SERGEF: variants seen among roughly 807,000 people sequenced by gnomAD.
SERGEF encodes the protein secretion regulating guanine nucleotide exchange factor.
Under a neutral mutation model 50.0 loss-of-function variants are expected in SERGEF, and 51 were observed. The observed-to-expected ratio is 1.02, with a 90% CI of 0.81 to 1.29. The LOEUF (loss-of-function observed/expected upper bound fraction) is 1.29. Among genes scored for constraint, SERGEF ranks in the 50% most tolerant of loss-of-function variants. The pLI is 0.00. For missense variants in SERGEF, 521 were observed against 557.0 expected, an observed-to-expected ratio of 0.94 and a Z score of 0.65; for synonymous variants, 205 against 212.4, an observed-to-expected ratio of 0.97 and a Z score of 0.30.
chr11:17,926,456 C>G (rs1269559829), intron 9 of SERGEF, among the ~76,000 whole-genome samples: 1 of 152,194 alleles, frequency 6.6e-6, no homozygotes, highest in African/African-American at 2.4e-5. Context: ...ATCAGAGTGC[C>G]TGGCTCCACG....
intron 9 of SERGEF, among the ~76,000 whole-genome samples, chr11:17,887,840 C>G (rs958886697): frequency 8.5e-5 from 13 of 152,218 alleles, no homozygotes; most frequent in Non-Finnish European, 1.8e-4. Context: ...GAATACTTTA[C>G]AGCAGGGGTC....
At chr11:17,956,985 C>T (rs1169615480) in intron 9 of SERGEF, among the ~76,000 whole-genome samples, 5 of 152,206 alleles carry the variant, frequency 3.3e-5, no homozygotes, top group Non-Finnish European at 5.9e-5. Flanking sequence ...GCCTAGCAGG[C>T]CAGACCTGGA....
intron 10 of SERGEF, among the ~76,000 whole-genome samples, chr11:17,836,688 G>A (rs1279478303): frequency 6.6e-6 from 1 of 152,130 alleles, no homozygotes; most frequent in Non-Finnish European, 1.5e-5. Context: ...AGGATTCTGG[G>A]CCTTTTCAAG....
chr11:17,869,038 C>T (rs1851084808), intron 10 of SERGEF, among the ~76,000 whole-genome samples: 2 of 152,154 alleles, frequency 1.3e-5, no homozygotes, highest in South Asian at 4.1e-4. Flanking sequence ...ATCAGCCTGC[C>T]TTGACTTCCC....
chr11:17,902,722 A>G (rs931020175), intron 9 of SERGEF, among the ~76,000 whole-genome samples: 5 of 152,220 alleles, frequency 3.3e-5, no homozygotes, highest in Admixed American at 2.0e-4. Flanking sequence ...TTCAGAGACA[A>G]ACAAACAAAA....
chr11:17,788,085 T>C lies in SERGEF; in HGVS notation c.1377A>G (p.Ter459TrpextTer1), dbSNP rs1344436829. The change falls in exon 11 of 11, where the codon TGA becomes TGG. Residue 459 changes from the stop codon to tryptophan (W), a stop_lost. Transcript: ENST00000265965. ...QSDWSRNGGL* is the reference protein window; with the variant it reads ...QSDWSRNGGLW ...AAGCCACTTTATTAAAGATTCTCTA[T>C]CACAGTCCCCCATTTCTGGACCAGT... The C allele has an allele frequency of 6.6e-7, 1 of 1,516,622 alleles. No individual in the cohort carries two copies. The highest frequency in any genetic ancestry group is 8.8e-7 in the Non-Finnish European group (1 of 1,130,498). 93.9% of individuals were successfully genotyped at this position (1,516,622 alleles called of 1,614,324 possible). A position where few individuals can be genotyped will look rare whatever the true frequency, so the allele number is the denominator to read the frequency against.
At chr11:17,851,692 G>A (rs953519809) in intron 10 of SERGEF, among the ~76,000 whole-genome samples, 3 of 152,238 alleles carry the variant, frequency 2.0e-5, no homozygotes, top group African/African-American at 7.2e-5. Flanking sequence ...AAAGGCTGGC[G>A]TGGCAGTGAC....
intron 8 of SERGEF, among the ~76,000 whole-genome samples, chr11:17,986,003 A>G (rs1307263466): frequency 6.6e-6 from 1 of 152,182 alleles, no homozygotes; most frequent in Non-Finnish European, 1.5e-5. Context: ...TTTTTAATCA[A>G]TATCACACAA....
chr11:17,944,484 C>A (rs545433693), intron 9 of SERGEF, among the ~76,000 whole-genome samples: 1 of 152,304 alleles, frequency 6.6e-6, no homozygotes, highest in Non-Finnish European at 1.5e-5. Flanking sequence ...GTTGCTATGT[C>A]TCTTTAGAAT....
intron 7 of SERGEF, among the ~76,000 whole-genome samples, chr11:17,989,117 A>T (rs1853657361): frequency 6.6e-6 from 1 of 152,238 alleles, no homozygotes; most frequent in Non-Finnish European, 1.5e-5. Flanking sequence ...TTTTGTATGA[A>T]AAAAATGCTT....
rs191239275 is a variant in SERGEF at position 17,831,255 on chromosome 11, G to A, written c.1049-42842C>T. Among the ~76,000 whole-genome samples, 154 of 152,320 alleles carry A rather than the reference G, an allele frequency of 1.0e-3. 1 individual carries two copies. The highest frequency in any genetic ancestry group is 3.4e-3 in the African/African-American group (143 of 41,572). ...TTAATATTCCCCAGGTGATTCTGAT[G>A]CAAGTGGTCTACAGACCTGGGGCAA... On this transcript the variant is annotated intron_variant, in intron 10 of 10. Transcript: ENST00000265965.
intron 1 of SERGEF, 177 bp downstream of exon 1, chr11:18,012,774 T>G: frequency 7.8e-7 from 1 of 1,285,096 alleles, no homozygotes; most frequent in Non-Finnish European, 1.1e-6. Flanking sequence ...GACCCTTCCT[T>G]CCCCGCCCGC....
At chr11:17,872,653 C>T (rs1402469912) in intron 10 of SERGEF, among the ~76,000 whole-genome samples, 1 of 152,172 alleles carries the variant, frequency 6.6e-6, no homozygotes, top group African/African-American at 2.4e-5. Flanking sequence ...TATAACTATA[C>T]TCTCCTCACA....
At chr11:17,913,145 G>T (rs962844714) in intron 9 of SERGEF, among the ~76,000 whole-genome samples, 6 of 152,194 alleles carry the variant, frequency 3.9e-5, no homozygotes, top group Non-Finnish European at 4.4e-5. Context: ...TGACCCTGGG[G>T]ATGCACTGGC....
intron 8 of SERGEF, among the ~76,000 whole-genome samples, chr11:17,970,318 T>C (rs550704162): frequency 2.6e-5 from 4 of 152,338 alleles, no homozygotes; most frequent in Admixed American, 2.6e-4. Flanking sequence ...ACTGCAATTA[T>C]TTTGGGGCAT....
intron 8 of SERGEF, among the ~76,000 whole-genome samples, chr11:17,982,976 T>A (rs905501912): frequency 2.0e-5 from 3 of 152,204 alleles, no homozygotes; most frequent in Non-Finnish European, 4.4e-5. Flanking sequence ...TGGTTTCAGT[T>A]TTTTCATTTG....
At chr11:17,961,376 CCAGATTGCT>C (rs994658622) in intron 8 of SERGEF, among the ~76,000 whole-genome samples, 1 of 152,162 alleles carries the variant, frequency 6.6e-6, no homozygotes, top group African/African-American at 2.4e-5. Flanking sequence ...GGATTTCTAA[CCAGATTGCT>C]CAGCAGGAGA....
intron 9 of SERGEF, among the ~76,000 whole-genome samples, chr11:17,946,945 GC>G (rs947869687): frequency 6.6e-6 from 1 of 152,138 alleles, no homozygotes; most frequent in African/African-American, 2.4e-5. Flanking sequence ...TTCTCCAAGT[GC>G]CTGCTATGTG....
chr11:17,880,475 G>T (rs1851316366), intron 9 of SERGEF, among the ~76,000 whole-genome samples: 1 of 152,016 alleles, frequency 6.6e-6, no homozygotes, highest in African/African-American at 2.4e-5. Flanking sequence ...TATAATAATA[G>T]GAAAATATTC....
Sources: gnomAD v4.1 joint callset for allele counts (sites outside exome capture counted in the v4.1 genomes callset) on GRCh38, gnomAD v4.1.1 for gene constraint, MANE v1.5 for transcripts, NCBI Gene and HGNC (gene_info 2026-07-23, HGNC 2026-07-21) for gene names.